NRCAM: variants seen among roughly 807,000 people sequenced by gnomAD.
The protein encoded by NRCAM is NgCAM-related cell adhesion molecule.
In NRCAM, 83 loss-of-function variants were observed where a neutral mutation model predicts 156.5. The observed-to-expected ratio is 0.53, with a 90% CI of 0.44 to 0.64. The LOEUF is 0.64. Ranked by LOEUF, NRCAM falls within the 30% of genes least tolerant of loss-of-function variation. NRCAM has a pLI of 0.00. For synonymous variants in NRCAM, 538 were observed against 563.9 expected (o/e 0.95, Z 0.65); for missense variants, 1,417 against 1,597.3 (o/e 0.89, Z 1.92).
At chr7:108,212,192 G>A (rs116844268) in intron 11 of NRCAM, among the ~76,000 whole-genome samples, 178 of 152,260 alleles carry the variant, frequency 1.2e-3, no homozygotes, top group Middle Eastern at 3.4e-3. Flanking sequence ...ATAGGAAAAC[G>A]GGGAGAGTAC....
At chr7:108,244,688 T>C (rs563814918) in intron 3 of NRCAM, among the ~76,000 whole-genome samples, 1 of 152,250 alleles carries the variant, frequency 6.6e-6, no homozygotes, top group East Asian at 1.9e-4. Context: ...CAAGACAAAC[T>C]GTGAGAAGCT....
chr7:108,332,780 T>A (rs183401417), intron 2 of NRCAM, among the ~76,000 whole-genome samples: 256 of 152,332 alleles, frequency 1.7e-3, no homozygotes, highest in African/African-American at 5.7e-3. Flanking sequence ...CACATCTTAT[T>A]CAAAACACAT....
At chr7:108,363,280 T>A (rs917211377) in intron 2 of NRCAM, among the ~76,000 whole-genome samples, 1 of 152,094 alleles carries the variant, frequency 6.6e-6, no homozygotes, top group African/African-American at 2.4e-5. Context: ...ACCCACTATT[T>A]CCTTTTTTTT....
chr7:108,406,679 T>C (rs1280936775), intron 1 of NRCAM, among the ~76,000 whole-genome samples: 3 of 152,212 alleles, frequency 2.0e-5, no homozygotes, highest in Admixed American at 2.0e-4. Flanking sequence ...GCCAGCACAC[T>C]TCAACAGTAA....
At chr7:108,423,864 T>A (rs1054486764) in intron 1 of NRCAM, among the ~76,000 whole-genome samples, 1 of 152,238 alleles carries the variant, frequency 6.6e-6, no homozygotes, top group East Asian at 1.9e-4. Context: ...AGCCACATAA[T>A]TGACATATGC....
At chr7:108,174,072 T>C (rs1321962504) in intron 28 of NRCAM, among the ~76,000 whole-genome samples, 2 of 152,230 alleles carry the variant, frequency 1.3e-5, no homozygotes, top group East Asian at 1.9e-4. Flanking sequence ...AAGCAATATA[T>C]TATTGTAAAA....
intron 11 of NRCAM, among the ~76,000 whole-genome samples, chr7:108,217,594 C>T (rs1209712180): frequency 1.3e-5 from 2 of 152,212 alleles, no homozygotes; most frequent in African/African-American, 2.4e-5. Context: ...GGGGCTGCTG[C>T]CTTTCTTTCA....
intron 32 of NRCAM, among the ~76,000 whole-genome samples, chr7:108,151,246 C>G (rs1033018113): frequency 1.3e-5 from 2 of 152,070 alleles, no homozygotes; most frequent in Non-Finnish European, 2.9e-5. Flanking sequence ...ATGACAGGAT[C>G]TAACATTTTG....
intron 2 of NRCAM, among the ~76,000 whole-genome samples, chr7:108,338,748 A>C (rs1004038950): frequency 6.6e-6 from 1 of 152,220 alleles, no homozygotes; most frequent in Non-Finnish European, 1.5e-5. Flanking sequence ...GCCAGGGTAA[A>C]TTTAAAAAAC....
chr7:108,357,759 C>T (rs1437105649), intron 2 of NRCAM, among the ~76,000 whole-genome samples: 5 of 152,204 alleles, frequency 3.3e-5, no homozygotes, highest in African/African-American at 1.2e-4. Context: ...CTCCTATCTT[C>T]AGTAAATGCA....
intron 11 of NRCAM, among the ~76,000 whole-genome samples, chr7:108,218,663 G>A (rs964984647): frequency 3.3e-5 from 5 of 152,054 alleles, no homozygotes; most frequent in Non-Finnish European, 7.4e-5. Context: ...CGAACTGAAC[G>A]ACAATAGTGA....
chr7:108,363,619 G>A (rs573809719), intron 2 of NRCAM, among the ~76,000 whole-genome samples: 1 of 152,194 alleles, frequency 6.6e-6, no homozygotes, highest in South Asian at 2.1e-4. Context: ...GGAAGGATTG[G>A]GTAGTCTCTT....
chr7:108,209,750 T>C (rs140983022), intron 11 of NRCAM, 145 bp from the exon 12 acceptor site: 5 of 626,562 alleles, frequency 8.0e-6, no homozygotes, highest in Non-Finnish European at 1.1e-5. Context: ...CACCACACTT[T>C]TATAAATAAT....
chr7:108,344,584 C>CA (rs2099330646), intron 2 of NRCAM, among the ~76,000 whole-genome samples: 1 of 152,110 alleles, frequency 6.6e-6, no homozygotes, highest in Non-Finnish European at 1.5e-5. Context: ...TGAAGAGTAA[C>CA]AGCACGTACT....
intron 3 of NRCAM, among the ~76,000 whole-genome samples, chr7:108,300,410 T>G (rs1357439743): frequency 6.6e-6 from 1 of 152,062 alleles, no homozygotes; most frequent in Non-Finnish European, 1.5e-5. Flanking sequence ...GATGCTATTT[T>G]TATAATAAAC....
At chr7:108,396,487 A>G (rs185129034) in intron 2 of NRCAM, among the ~76,000 whole-genome samples, 6 of 152,364 alleles carry the variant, frequency 3.9e-5, no homozygotes, top group Admixed American at 2.0e-4. Flanking sequence ...AGTAGATTGC[A>G]ATGTAATTGA....
intron 2 of NRCAM, among the ~76,000 whole-genome samples, chr7:108,385,564 A>G (rs1369618307): frequency 6.6e-6 from 1 of 152,228 alleles, no homozygotes; most frequent in Admixed American, 6.5e-5. Flanking sequence ...TCCTGCACAC[A>G]GTGTCAAGGA....
At chr7:108,234,222 C>A (rs776656254) in intron 6 of NRCAM, among the ~76,000 whole-genome samples, 2 of 152,136 alleles carry the variant, frequency 1.3e-5, no homozygotes, top group Non-Finnish European at 2.9e-5. Context: ...TTCCATAACT[C>A]CTCACAATTT....
chr7:108,319,227 T>C (rs1225534931), intron 2 of NRCAM, among the ~76,000 whole-genome samples: 2 of 152,212 alleles, frequency 1.3e-5, no homozygotes, highest in Non-Finnish European at 2.9e-5. Context: ...ATGATATTTG[T>C]AGGAAAAAAA....
Sources: allele counts gnomAD v4.1 joint callset (sites outside exome capture counted in the v4.1 genomes callset), GRCh38; gene constraint gnomAD v4.1.1; transcripts MANE v1.5; gene names NCBI Gene and HGNC (gene_info 2026-07-23, HGNC 2026-07-21).